Variants in NIPAL2 observed in about 807,000 individuals in gnomAD.
The protein encoded by NIPAL2 is NIPA-like protein 2.
Under a neutral mutation model 48.9 loss-of-function variants are expected in NIPAL2, and 43 were observed. The ratio of observed to expected loss-of-function variants is 0.88; its 90% CI spans 0.69 to 1.13. The LOEUF is 1.13. Ranked by LOEUF, NIPAL2 falls within the 50% of genes most tolerant of loss-of-function variation. NIPAL2 has a pLI of 0.00. For synonymous variants in NIPAL2, 167 were observed against 174.6 expected, an observed-to-expected ratio of 0.96 and a Z score of 0.34; for missense variants, 446 against 461.4, an observed-to-expected ratio of 0.97 and a Z score of 0.31.
At chr8:98,197,096 A>AT (rs1476034424) in intron 8 of NIPAL2, among the ~76,000 whole-genome samples, 2 of 144,164 alleles carry the variant, frequency 1.4e-5, no homozygotes, top group African/African-American at 5.1e-5. Context: ...TTTTTTTTCA[A>AT]TTTTTTTCTT....
intron 4 of NIPAL2, among the ~76,000 whole-genome samples, chr8:98,227,243 C>A (rs1812222552): frequency 6.6e-6 from 1 of 152,108 alleles, no homozygotes; most frequent in African/African-American, 2.4e-5. Flanking sequence ...GGTCCTCTAC[C>A]CCACTGTGGC....
chr8:98,231,311 C>G (rs957445641), intron 4 of NIPAL2, among the ~76,000 whole-genome samples: 3 of 152,162 alleles, frequency 2.0e-5, no homozygotes, highest in African/African-American at 7.2e-5. Flanking sequence ...AACAGTCAAT[C>G]TGTCTTCTCA....
intron 1 of NIPAL2, among the ~76,000 whole-genome samples, chr8:98,267,592 T>A (rs967047297): frequency 2.6e-5 from 4 of 152,184 alleles, no homozygotes; most frequent in Non-Finnish European, 5.9e-5. Context: ...AGTGTTAGGA[T>A]TATAGGCATG....
intron 1 of NIPAL2, among the ~76,000 whole-genome samples, chr8:98,293,008 T>C (rs1022820237): frequency 2.0e-5 from 3 of 152,204 alleles, no homozygotes; most frequent in African/African-American, 7.2e-5. Flanking sequence ...AAAGTGAACA[T>C]GCTTATTTAT....
intron 1 of NIPAL2, among the ~76,000 whole-genome samples, chr8:98,271,885 T>G (rs1230322305): frequency 7.1e-6 from 1 of 141,126 alleles, no homozygotes; most frequent in Non-Finnish European, 1.5e-5. Context: ...TTGTTGAGAG[T>G]TTTTTTTTTT....
chr8:98,211,892 T>G (rs1811340990), intron 6 of NIPAL2, among the ~76,000 whole-genome samples: 1 of 152,090 alleles, frequency 6.6e-6, no homozygotes, highest in South Asian at 2.1e-4. Flanking sequence ...TAAGCACTCA[T>G]TTTCAACTCT....
intron 1 of NIPAL2, among the ~76,000 whole-genome samples, chr8:98,254,521 C>G (rs934497376): frequency 6.6e-6 from 1 of 151,992 alleles, no homozygotes; most frequent in East Asian, 1.9e-4. Flanking sequence ...AACTGGGTGA[C>G]CTTTTGAGCA....
At chr8:98,236,834 A>G (rs2068493065) in intron 3 of NIPAL2, among the ~76,000 whole-genome samples, 1 of 137,270 alleles carries the variant, frequency 7.3e-6, no homozygotes, top group Non-Finnish European at 1.6e-5. Context: ...CCTCAGTGAC[A>G]GAAGGAGATC....
rs73283780 is a variant in NIPAL2, at chr8:98,246,388, C to T, written c.376+6075G>A. ...GGAAAAGACTTATCAGACTCATGCT[C>T]TCCTCATTTTCTCAGTGCAGTTAGC... On this transcript the variant is annotated intron_variant, in intron 3 of 10. Coordinates refer to ENST00000430223, the MANE Select transcript of NIPAL2 (RefSeq NM_001321635.2). Among the ~76,000 whole-genome samples, 892 of 152,308 alleles carry T rather than the reference C, an allele frequency of 5.9e-3. 8 individuals are homozygous for T. The highest frequency in any genetic ancestry group is 0.02 in the African/African-American group (827 of 41,554).
chr8:98,201,392 T>C (rs1020412693), intron 8 of NIPAL2, among the ~76,000 whole-genome samples: 9 of 152,170 alleles, frequency 5.9e-5, no homozygotes, highest in Non-Finnish European at 2.9e-5. Context: ...TTTTTAACTT[T>C]TATTTTTTTA....
intron 3 of NIPAL2, chr8:98,252,141 A>G (rs1813620917): frequency 4.6e-6 from 1 of 217,704 alleles, no homozygotes; most frequent in African/African-American, 2.3e-5. Context: ...TGAATAAAAC[A>G]TTGCATTACA....
chr8:98,259,535 C>T (rs1011725170), intron 1 of NIPAL2, among the ~76,000 whole-genome samples: 1 of 152,180 alleles, frequency 6.6e-6, no homozygotes, highest in Non-Finnish European at 1.5e-5. Context: ...CCTTACTCCT[C>T]CCTATATCCG....
At chr8:98,280,710 G>A (rs890059241) in intron 1 of NIPAL2, among the ~76,000 whole-genome samples, 4 of 133,974 alleles carry the variant, frequency 3.0e-5, no homozygotes. Context: ...TATAACATGT[G>A]CCTCTGACTT....
At chr8:98,217,621 A>C (rs969940494) in intron 5 of NIPAL2, among the ~76,000 whole-genome samples, 1 of 152,242 alleles carries the variant, frequency 6.6e-6, no homozygotes, top group African/African-American at 2.4e-5. Flanking sequence ...TCACAATCTT[A>C]GTATAAAATT....
chr8:98,277,624 A>G (rs1815548662), intron 1 of NIPAL2, among the ~76,000 whole-genome samples: 1 of 152,150 alleles, frequency 6.6e-6, no homozygotes, highest in Non-Finnish European at 1.5e-5. Flanking sequence ...TCCTCCCCAC[A>G]GTCCATGGCA....
intron 1 of NIPAL2, among the ~76,000 whole-genome samples, chr8:98,264,979 TATCTACAACTATCTG>T (rs1692538659): frequency 1.4e-5 from 2 of 146,484 alleles, no homozygotes; most frequent in African/African-American, 5.1e-5. Context: ...TAACGCCACA[TATCTACAACTATCTG>T]ATCTTTGACA....
intron 1 of NIPAL2, among the ~76,000 whole-genome samples, chr8:98,288,583 A>C (rs1415339212): frequency 2.0e-5 from 3 of 150,668 alleles, no homozygotes; most frequent in African/African-American, 4.9e-5. Flanking sequence ...GTCAAATGGT[A>C]TTTCCAGTTC....
intron 3 of NIPAL2, among the ~76,000 whole-genome samples, chr8:98,249,616 A>G (rs562989089): frequency 1.4e-5 from 2 of 147,694 alleles, no homozygotes; most frequent in South Asian, 4.2e-4. Context: ...TATATATTAA[A>G]TGTATAACAT....
chr8:98,205,811 A>C (rs1375410534), intron 6 of NIPAL2, among the ~76,000 whole-genome samples: 1 of 152,160 alleles, frequency 6.6e-6, no homozygotes, highest in African/African-American at 2.4e-5. Context: ...TTGTTAGGAG[A>C]CACCTAGAAG....
Sources: allele counts gnomAD v4.1 joint callset (sites outside exome capture counted in the v4.1 genomes callset), GRCh38; gene constraint gnomAD v4.1.1; transcripts MANE v1.5; gene names NCBI Gene and HGNC (gene_info 2026-07-23, HGNC 2026-07-21).